The following ECHDC1 variants were observed in gnomAD, a reference collection of about 807,000 sequenced individuals.
The protein encoded by ECHDC1 is ethylmalonyl-CoA decarboxylase.
Under a neutral mutation model 29.7 loss-of-function variants are expected in ECHDC1, and 29 were observed. The observed-to-expected ratio is 0.98, with a 90% CI of 0.73 to 1.33. The LOEUF is 1.33. Among genes scored for constraint, ECHDC1 ranks in the 40% most tolerant of loss-of-function variants. The probability of loss-of-function intolerance (pLI) is 0.00; values close to 1 mark genes in which losing one functional copy is unlikely to be tolerated. For missense variants in ECHDC1, 328 were observed against 350.0 expected (o/e 0.94, Z 0.50); for synonymous variants, 126 against 123.1 (o/e 1.02, Z -0.15).
rs549383678 is a variant in ECHDC1, at chr6:127,308,616, A to C, written c.497+6200T>G. 5.3e-5 allele frequency among the ~76,000 whole-genome samples: 8 copies of C among 152,346 alleles called. No homozygotes were observed. In the South Asian group the frequency reaches 1.4e-3, roughly 28 times the overall value. On this transcript the variant is annotated intron_variant, in intron 5 of 5. Transcript: ENST00000454859. ...CAACACAACAAGGATGCCTACGTTC[A>C]CAACTGTTATTCAACATAGTACTGG...
At chr6:127,299,040 T>TA (rs1456181441) in intron 5 of ECHDC1, among the ~76,000 whole-genome samples, 1 of 67,128 alleles carries the variant, frequency 1.5e-5, no homozygotes, top group African/African-American at 5.0e-5. Flanking sequence ...CATGCCTGGC[T>TA]ATTTTTTTTA....
intron 4 of ECHDC1, chr6:127,316,175 C>G: frequency 2.2e-6 from 1 of 462,886 alleles, no homozygotes; most frequent in Non-Finnish European, 4.2e-6. Flanking sequence ...TTCCCAGTAT[C>G]TATTCCTAAA....
chr6:127,313,449 T>G (rs1782108575), intron 5 of ECHDC1: 2 of 385,838 alleles, frequency 5.2e-6, no homozygotes, highest in East Asian at 7.4e-5. Flanking sequence ...GTGATCTGCC[T>G]ATTTCAGCCC....
intron 1 of ECHDC1, chr6:127,342,462 A>G (rs552675043): frequency 1.3e-5 from 18 of 1,364,384 alleles, no homozygotes; most frequent in Non-Finnish European, 1.2e-5. Flanking sequence ...CCAGAACCCA[A>G]TAAAAAATCA....
intron 1 of ECHDC1, chr6:127,342,388 G>A (rs1406300401): frequency 5.8e-6 from 9 of 1,546,354 alleles, no homozygotes; most frequent in Non-Finnish European, 7.0e-6. Flanking sequence ...TCACAGGCTG[G>A]CTTCCCTTCC....
chr6:127,315,652 T>C (rs139478544), intron 4 of ECHDC1: 146 of 265,366 alleles, frequency 5.5e-4, no homozygotes, highest in African/African-American at 2.9e-3. Flanking sequence ...AAAAAAATAA[T>C]AACTTCAGAT....
intron 1 of ECHDC1, among the ~76,000 whole-genome samples, chr6:127,332,280 G>C (rs923207990): frequency 5.9e-5 from 9 of 152,140 alleles, no homozygotes; most frequent in Admixed American, 5.9e-4. Flanking sequence ...ATCCATTAGT[G>C]TTATGTGTAA....
At chr6:127,325,930 T>C (rs923883598) in intron 3 of ECHDC1, among the ~76,000 whole-genome samples, 8 of 152,152 alleles carry the variant, frequency 5.3e-5, no homozygotes, top group African/African-American at 1.4e-4. Context: ...GTTGAACTCC[T>C]GGCCTCAAGC....
At chr6:127,335,328 C>A (rs1784334955) in intron 1 of ECHDC1, among the ~76,000 whole-genome samples, 1 of 151,960 alleles carries the variant, frequency 6.6e-6, no homozygotes, top group African/African-American at 2.4e-5. Context: ...CTTATAACTA[C>A]AATATTGAAG....
At chr6:127,341,920 G>GGTT (rs1315524361) in intron 1 of ECHDC1, among the ~76,000 whole-genome samples, 1 of 152,128 alleles carries the variant, frequency 6.6e-6, no homozygotes, top group East Asian at 1.9e-4. Flanking sequence ...GTTCTGATTC[G>GGTT]GTTGTAGGCT....
chr6:127,294,307 A>G (rs1215780924), intron 5 of ECHDC1, among the ~76,000 whole-genome samples: 1 of 152,214 alleles, frequency 6.6e-6, no homozygotes, highest in Non-Finnish European at 1.5e-5. Context: ...GCATGGGGAA[A>G]TATAGCATAG....
chr6:127,291,989 C>A (rs1780235194), intron 5 of ECHDC1, among the ~76,000 whole-genome samples: 1 of 152,030 alleles, frequency 6.6e-6, no homozygotes. Context: ...AAGAGGAGTA[C>A]TGCCTTGTTA....
At chr6:127,337,231 C>G (rs1022161421) in intron 1 of ECHDC1, among the ~76,000 whole-genome samples, 1 of 152,198 alleles carries the variant, frequency 6.6e-6, no homozygotes, top group Non-Finnish European at 1.5e-5. Flanking sequence ...GCCTCCCCTT[C>G]CCGCTTTGTT....
chr6:127,325,793 T>C (rs1783269981), intron 3 of ECHDC1, among the ~76,000 whole-genome samples: 1 of 152,018 alleles, frequency 6.6e-6, no homozygotes, highest in Non-Finnish European at 1.5e-5. Context: ...CTTAAGCTCC[T>C]GGACTCAAGC....
chr6:127,311,438 CAG>C (rs1011997822), intron 5 of ECHDC1, among the ~76,000 whole-genome samples: 1 of 151,870 alleles, frequency 6.6e-6, no homozygotes, highest in African/African-American at 2.4e-5. Context: ...CTTTGGGAGG[CAG>C]AGGCAGGCCC....
chr6:127,336,323 T>G (rs1377846807), intron 1 of ECHDC1, among the ~76,000 whole-genome samples: 4 of 152,166 alleles, frequency 2.6e-5, no homozygotes, highest in African/African-American at 4.8e-5. Context: ...TAATAGATTA[T>G]TTAATTTTAA....
intron 5 of ECHDC1, among the ~76,000 whole-genome samples, chr6:127,298,912 G>A (rs1159110013): frequency 2.0e-5 from 3 of 150,122 alleles, no homozygotes; most frequent in African/African-American, 7.4e-5. Flanking sequence ...GTCTCACTCT[G>A]TCCCGCAGGC....
chr6:127,313,430 T>G, intron 5 of ECHDC1: 2 of 339,288 alleles, frequency 5.9e-6, no homozygotes, highest in Non-Finnish European at 1.2e-5. Context: ...CTCAAACTCC[T>G]GACCTCAGGT....
intron 1 of ECHDC1, chr6:127,331,913 T>C (rs929954597): frequency 2.0e-6 from 2 of 980,902 alleles, no homozygotes; most frequent in Non-Finnish European, 2.4e-6. Context: ...GTGGTTTTTC[T>C]GTTCCCCAAG....
Sources: allele counts gnomAD v4.1 joint callset (sites outside exome capture counted in the v4.1 genomes callset), GRCh38; gene constraint gnomAD v4.1.1; transcripts MANE v1.5; gene names NCBI Gene and HGNC (gene_info 2026-07-23, HGNC 2026-07-21).